The following TMEM178B variants were observed in gnomAD, a reference collection of about 807,000 sequenced individuals.
TMEM178B encodes the protein transmembrane protein 178B.
A neutral mutation model predicts 31.0 loss-of-function variants in TMEM178B; 5 were observed. The observed-to-expected ratio is 0.16, with a 90% CI of 0.08 to 0.34. The LOEUF is 0.34. Among genes scored for constraint, TMEM178B ranks in the 10% least tolerant of loss-of-function variants. TMEM178B has a pLI of 1.00. For synonymous variants in TMEM178B, 164 were observed against 164.0 expected (o/e 1.00, Z 0.00); for missense variants, 275 against 400.3 (o/e 0.69, Z 2.67).
intron 2 of TMEM178B, among the ~76,000 whole-genome samples, chr7:141,229,255 G>C (rs1797402053): frequency 6.6e-6 from 1 of 151,952 alleles, no homozygotes; most frequent in Non-Finnish European, 1.5e-5. Flanking sequence ...GATTTTTTAA[G>C]AGTTGTCAGG....
chr7:141,117,107 T>A (rs947803343), intron 1 of TMEM178B, among the ~76,000 whole-genome samples: 1 of 152,220 alleles, frequency 6.6e-6, no homozygotes. Context: ...TCCACAATGG[T>A]TGAACTAATT....
chr7:141,482,446 C>A (rs1326584425), downstream of TMEM178B, among the ~76,000 whole-genome samples: 1 of 152,198 alleles, frequency 6.6e-6, no homozygotes, highest in East Asian at 1.9e-4. Context: ...TCTTGAAGCA[C>A]AGGGATTCTG....
At chr7:141,400,554 G>C (rs1273096287) in intron 2 of TMEM178B, among the ~76,000 whole-genome samples, 1 of 152,152 alleles carries the variant, frequency 6.6e-6, no homozygotes, top group East Asian at 1.9e-4. Context: ...TCCCAGAATA[G>C]TGCCTTTCAC....
At chr7:141,396,421 C>T (rs972985914) in intron 2 of TMEM178B, among the ~76,000 whole-genome samples, 8 of 152,342 alleles carry the variant, frequency 5.3e-5, no homozygotes, top group South Asian at 2.1e-4. Flanking sequence ...TCTGCTGTGC[C>T]GCAGGGGTCC....
chr7:141,410,088 C>G (rs1408841592), intron 2 of TMEM178B, among the ~76,000 whole-genome samples: 1 of 152,212 alleles, frequency 6.6e-6, no homozygotes, highest in Non-Finnish European at 1.5e-5. Context: ...GCCTTTTTAT[C>G]TCAACATCCC....
chr7:141,379,989 GC>G (rs1800285597), intron 2 of TMEM178B, among the ~76,000 whole-genome samples: 3 of 152,254 alleles, frequency 2.0e-5, no homozygotes, highest in Admixed American at 6.5e-5. Flanking sequence ...ACATTGAATG[GC>G]TTTTTCTGTC....
At chr7:141,312,365 G>A (rs1322683761) in intron 2 of TMEM178B, among the ~76,000 whole-genome samples, 3 of 152,214 alleles carry the variant, frequency 2.0e-5, no homozygotes, top group African/African-American at 7.2e-5. Flanking sequence ...TTTCAGAAAG[G>A]TATGGTTAAG....
At chr7:141,338,717 G>A (rs538991175) in intron 2 of TMEM178B, among the ~76,000 whole-genome samples, 12 of 152,334 alleles carry the variant, frequency 7.9e-5, no homozygotes, top group African/African-American at 2.9e-4. Context: ...CCAGCCACTG[G>A]CCTATGCAGC....
chr7:141,252,361 G>A (rs1241748637), intron 2 of TMEM178B, among the ~76,000 whole-genome samples: 1 of 152,158 alleles, frequency 6.6e-6, no homozygotes, highest in Non-Finnish European at 1.5e-5. Flanking sequence ...CACAGGTTCT[G>A]GAGTTCAGGA....
At chr7:141,225,755 C>T (rs779659996) in intron 2 of TMEM178B, among the ~76,000 whole-genome samples, 30 of 152,246 alleles carry the variant, frequency 2.0e-4, no homozygotes, top group African/African-American at 3.4e-4. Context: ...CCATGATGAA[C>T]GTTCAGACTT....
chr7:141,269,490 A>G (rs1798146989), intron 2 of TMEM178B, among the ~76,000 whole-genome samples: 1 of 151,996 alleles, frequency 6.6e-6, no homozygotes, highest in South Asian at 2.1e-4. Flanking sequence ...AATTCCCAGT[A>G]CCCCCACTAC....
At chr7:141,354,706 T>G (rs1799789560) in intron 2 of TMEM178B, among the ~76,000 whole-genome samples, 1 of 152,204 alleles carries the variant, frequency 6.6e-6, no homozygotes, top group African/African-American at 2.4e-5. Flanking sequence ...TGTCCCACAC[T>G]CTCCACCTTT....
chr7:141,224,994 A>C (rs1224117354), intron 2 of TMEM178B, among the ~76,000 whole-genome samples: 1 of 152,226 alleles, frequency 6.6e-6, no homozygotes, highest in Non-Finnish European at 1.5e-5. Context: ...CAGCCTTTCT[A>C]GAACCTGGCA....
chr7:141,393,461 G>A lies in TMEM178B; in HGVS notation c.497-44147G>A, dbSNP rs571024222. The stretch of plus-strand genomic sequence containing the variant: ...AGGGAGAGATCAAAGAGGAAGGAAG[G>A]AGCCAGAGGACTTCCAGGAAAGAAG... On this transcript the variant is annotated intron_variant, in intron 2 of 3. Coordinates refer to ENST00000565468, the MANE Select transcript of TMEM178B (RefSeq NM_001195278.2). Among the ~76,000 whole-genome samples the A allele has an allele frequency of 7.5e-4, 114 of 152,274 alleles. 1 individual carries two copies. The highest frequency in any genetic ancestry group is 3.5e-3 in the South Asian group (17 of 4,830).
chr7:141,166,812 T>C (rs1777158396), intron 1 of TMEM178B, among the ~76,000 whole-genome samples: 1 of 152,236 alleles, frequency 6.6e-6, no homozygotes, highest in Non-Finnish European at 1.5e-5. Flanking sequence ...AGATGTGAGC[T>C]AAACACTGTG....
intron 1 of TMEM178B, among the ~76,000 whole-genome samples, chr7:141,173,686 A>G (rs912051541): frequency 2.0e-5 from 3 of 152,184 alleles, no homozygotes; most frequent in Non-Finnish European, 2.9e-5. Flanking sequence ...GTGTTGAGGG[A>G]AGGATTCTGA....
At chr7:141,432,636 T>C (rs1005931245) in intron 2 of TMEM178B, among the ~76,000 whole-genome samples, 3 of 152,220 alleles carry the variant, frequency 2.0e-5, no homozygotes, top group African/African-American at 7.2e-5. Context: ...TCTTTTTTAA[T>C]AGTATTCTGT....
At chr7:141,510,412 G>A in the TMEM178B span, among the ~76,000 whole-genome samples, 11 of 152,038 alleles carry the variant, frequency 7.2e-5, no homozygotes, top group African/African-American at 2.2e-4. Flanking sequence ...GGGGCCGGGC[G>A]CGGTGGCTCA....
intron 2 of TMEM178B, among the ~76,000 whole-genome samples, chr7:141,217,042 A>G (rs894668201): frequency 6.6e-6 from 1 of 152,144 alleles, no homozygotes; most frequent in Non-Finnish European, 1.5e-5. Flanking sequence ...TGTCTGGTTT[A>G]CGTTTTAAAT....
Sources: gnomAD v4.1 joint callset for allele counts (sites outside exome capture counted in the v4.1 genomes callset) on GRCh38, gnomAD v4.1.1 for gene constraint, MANE v1.5 for transcripts, NCBI Gene and HGNC (gene_info 2026-07-23, HGNC 2026-07-21) for gene names.